The following SAMD5 variants were observed in gnomAD, a reference collection of about 807,000 sequenced individuals.
The protein encoded by SAMD5 is sterile alpha motif domain-containing protein 5.
In SAMD5, 13 loss-of-function variants were observed where a neutral mutation model predicts 11.3. The ratio of observed to expected loss-of-function variants is 1.15; its 90% CI spans 0.75 to 1.83. The LOEUF (loss-of-function observed/expected upper bound fraction) is 1.83, where lower values mean the gene tolerates loss of function less well. Ranked by LOEUF, SAMD5 falls within the 40% of genes most tolerant of loss-of-function variation. SAMD5 has a pLI of 0.00. For synonymous variants in SAMD5, 129 were observed against 111.3 expected (o/e 1.16, Z -1.00); for missense variants, 255 against 239.1 (o/e 1.07, Z -0.44).
chr6:147,912,672 T>C, the SAMD5 span, among the ~76,000 whole-genome samples: 1 of 152,182 alleles, frequency 6.6e-6, no homozygotes, highest in Non-Finnish European at 1.5e-5. Context: ...ACTATCTAGA[T>C]GTCCAAGCAT....
the SAMD5 span, among the ~76,000 whole-genome samples, chr6:147,825,862 A>G: frequency 2.0e-5 from 3 of 152,236 alleles, no homozygotes; most frequent in Non-Finnish European, 2.9e-5. Context: ...AGCTATCCAT[A>G]GGAACTGATT....
intron 1 of SAMD5, among the ~76,000 whole-genome samples, chr6:147,655,458 T>C (rs1280668694): frequency 6.6e-6 from 1 of 152,222 alleles, no homozygotes; most frequent in African/African-American, 2.4e-5. Flanking sequence ...GCCCTAGTTT[T>C]TTTTATAATA....
the SAMD5 span, among the ~76,000 whole-genome samples, chr6:147,901,820 G>A: frequency 6.6e-6 from 1 of 152,120 alleles, no homozygotes; most frequent in African/African-American, 2.4e-5. Flanking sequence ...TCATACCCAT[G>A]TCTTTGTGTT....
At chr6:147,661,650 G>A (rs12664520) in intron 1 of SAMD5, among the ~76,000 whole-genome samples, 13,499 of 152,084 alleles carry the variant, frequency 0.089, 876 homozygotes, top group East Asian at 0.25. Flanking sequence ...ATTTATTTGA[G>A]ATGGAGTCTC....
chr6:147,648,086 A>T (rs1200254627), intron 1 of SAMD5, among the ~76,000 whole-genome samples: 1 of 152,186 alleles, frequency 6.6e-6, no homozygotes, highest in Non-Finnish European at 1.5e-5. Flanking sequence ...TTATAGAAGC[A>T]GATTTGTGAA....
chr6:147,808,640 A>G, the SAMD5 span, among the ~76,000 whole-genome samples: 12,023 of 152,242 alleles, frequency 0.079, 718 homozygotes, highest in African/African-American at 0.16. Context: ...TTTAGGGAAA[A>G]TATCTTGTTT....
the SAMD5 span, among the ~76,000 whole-genome samples, chr6:147,849,642 C>T: frequency 6.6e-6 from 1 of 152,056 alleles, no homozygotes; most frequent in Non-Finnish European, 1.5e-5. Context: ...GATTAATTGT[C>T]CAAATTAGTT....
chr6:147,845,742 G>A, the SAMD5 span, among the ~76,000 whole-genome samples: 1 of 152,114 alleles, frequency 6.6e-6, no homozygotes, highest in Admixed American at 6.5e-5. Flanking sequence ...CTGTTGGTGA[G>A]GATGAGGGGA....
At chr6:147,836,412 A>C in the SAMD5 span, among the ~76,000 whole-genome samples, 1 of 152,166 alleles carries the variant, frequency 6.6e-6, no homozygotes, top group African/African-American at 2.4e-5. Context: ...TGTCCCAATA[A>C]ACTCATTATA....
At chr6:147,728,358 C>T (rs552824486) in intron 1 of SAMD5, among the ~76,000 whole-genome samples, 12 of 152,204 alleles carry the variant, frequency 7.9e-5, no homozygotes, top group Non-Finnish European at 1.5e-4. Context: ...GTGGAGGTTT[C>T]GGTGAGCTGA....
intron 1 of SAMD5, 63 bp downstream of exon 1, chr6:147,509,450 T>C (rs1300533606): frequency 1.4e-5 from 20 of 1,431,470 alleles, no homozygotes; most frequent in Non-Finnish European, 1.8e-5. Flanking sequence ...CCCAGCTGCC[T>C]GTGCCAAGGC....
chr6:147,839,851 CTG>C, the SAMD5 span, among the ~76,000 whole-genome samples: 1 of 152,202 alleles, frequency 6.6e-6, no homozygotes. Context: ...TCCAAAGACA[CTG>C]TGCAGACATT....
intron 1 of SAMD5, among the ~76,000 whole-genome samples, chr6:147,694,623 C>G (rs2128457299): frequency 6.6e-6 from 1 of 152,206 alleles, no homozygotes; most frequent in South Asian, 2.1e-4. Context: ...TTGAGACCAG[C>G]CTGGGCAACA....
chr6:147,790,977 G>T, the SAMD5 span, among the ~76,000 whole-genome samples: 1 of 152,004 alleles, frequency 6.6e-6, no homozygotes, highest in Non-Finnish European at 1.5e-5. Context: ...AAACATCCGA[G>T]ATGTCCTTTC....
chr6:147,762,621 T>C, the SAMD5 span, among the ~76,000 whole-genome samples: 1 of 152,214 alleles, frequency 6.6e-6, no homozygotes, highest in African/African-American at 2.4e-5. Context: ...GTAAAAGTAG[T>C]GGAACTTTAG....
the SAMD5 span, among the ~76,000 whole-genome samples, chr6:147,763,237 G>A: frequency 6.6e-6 from 1 of 152,040 alleles, no homozygotes; most frequent in Admixed American, 6.5e-5. Flanking sequence ...TCGGCCCACT[G>A]CAACCTCCGC....
the SAMD5 span, among the ~76,000 whole-genome samples, chr6:147,793,073 A>G: frequency 1.3e-5 from 2 of 152,304 alleles, no homozygotes; most frequent in East Asian, 3.9e-4. Context: ...CAAAAAGTGC[A>G]GTATGGGAAA....
At chr6:147,723,529 A>G (rs954827731) in intron 1 of SAMD5, among the ~76,000 whole-genome samples, 1 of 152,152 alleles carries the variant, frequency 6.6e-6, no homozygotes, top group Non-Finnish European at 1.5e-5. Context: ...TACCTCCTGC[A>G]TGGTTGTGCT....
At chr6:147,747,863 A>AT in the SAMD5 span, among the ~76,000 whole-genome samples, 1 of 152,000 alleles carries the variant, frequency 6.6e-6, no homozygotes, top group East Asian at 1.9e-4. Context: ...ATTTTCTGTC[A>AT]TTTTCAAATA....
Sources: gnomAD v4.1 joint callset for allele counts (sites outside exome capture counted in the v4.1 genomes callset) on GRCh38, gnomAD v4.1.1 for gene constraint, MANE v1.5 for transcripts, NCBI Gene and HGNC (gene_info 2026-07-23, HGNC 2026-07-21) for gene names.